PAQR3: variants seen among roughly 807,000 people sequenced by gnomAD.
PAQR3 encodes the protein Raf kinase trapping to Golgi.
In PAQR3, 39 loss-of-function variants were observed where a neutral mutation model predicts 41.7. The observed-to-expected ratio is 0.93, with a 90% CI of 0.72 to 1.22. PAQR3 has a LOEUF of 1.22. PAQR3 is among the 50% of genes most tolerant of loss of function. PAQR3 has a pLI of 0.00. For missense variants in PAQR3, 366 were observed against 385.6 expected (o/e 0.95, Z 0.42); for synonymous variants, 140 against 140.6 (o/e 1.00, Z 0.03).
At chr4:78,901,735 A>C (rs1577976543) in intron 11 of PAQR3, among the ~76,000 whole-genome samples, 1 of 152,354 alleles carries the variant, frequency 6.6e-6, no homozygotes, top group Middle Eastern at 3.4e-3. Context: ...GGACCACCCC[A>C]TTTTAATAAA....
intron 11 of PAQR3, among the ~76,000 whole-genome samples, chr4:78,892,859 C>A (rs1733515447): frequency 6.6e-6 from 1 of 152,128 alleles, no homozygotes; most frequent in Non-Finnish European, 1.5e-5. Context: ...ATCATCTGAA[C>A]CTTCAGCTGG....
At chr4:78,895,697 T>C (rs1223425370) in intron 11 of PAQR3, among the ~76,000 whole-genome samples, 1 of 152,112 alleles carries the variant, frequency 6.6e-6, no homozygotes. Flanking sequence ...TCATCAAAAT[T>C]TTATGGAGCA....
chr4:78,922,221 A>G, intron 5 of PAQR3: 3 of 1,194,074 alleles, frequency 2.5e-6, no homozygotes, highest in Middle Eastern at 2.4e-4. Context: ...ATCTGTTCCC[A>G]AATCCTCATG....
downstream of PAQR3, among the ~76,000 whole-genome samples, chr4:78,907,464 C>T (rs1010602189): frequency 5.9e-5 from 9 of 152,106 alleles, no homozygotes; most frequent in African/African-American, 2.4e-5. Flanking sequence ...ATCTGTCCTA[C>T]GTTAAATGTT....
chr4:78,896,126 T>C (rs1733686795), intron 11 of PAQR3, among the ~76,000 whole-genome samples: 1 of 152,144 alleles, frequency 6.6e-6, no homozygotes, highest in Non-Finnish European at 1.5e-5. Context: ...TTTATGAATC[T>C]ATAACCTAAC....
chr4:78,911,141 C>T, downstream of PAQR3: 2 of 1,613,990 alleles, frequency 1.2e-6, no homozygotes, highest in African/African-American at 1.3e-5. Context: ...CCCTTCTTTG[C>T]AGTGCGTGCT....
At chr4:78,892,104 T>A (rs893982952) in intron 11 of PAQR3, among the ~76,000 whole-genome samples, 1 of 152,234 alleles carries the variant, frequency 6.6e-6, no homozygotes, top group Admixed American at 6.5e-5. Flanking sequence ...TATGTTGGTC[T>A]CGTAAAATGA....
chr4:78,938,974 G>C (rs908588575), intron 1 of PAQR3, 66 bp downstream of exon 1: 42 of 1,432,478 alleles, frequency 2.9e-5, no homozygotes, highest in Non-Finnish European at 3.9e-5. Context: ...AAGCAGAAGG[G>C]GGACCAGACA....
At chr4:78,922,261 C>T (rs569861362) in intron 5 of PAQR3, 2 of 1,238,280 alleles carry the variant, frequency 1.6e-6, no homozygotes, top group African/African-American at 1.6e-5. Context: ...CTTGTATTTC[C>T]ATTCTTATTT....
chr4:78,925,142 C>T (rs1736063631), intron 4 of PAQR3, among the ~76,000 whole-genome samples: 1 of 152,088 alleles, frequency 6.6e-6, no homozygotes, highest in African/African-American at 2.4e-5. Context: ...AAACTACTAT[C>T]TAAGCCATCT....
intron 11 of PAQR3, among the ~76,000 whole-genome samples, chr4:78,905,866 GT>G (rs571081219): frequency 6.6e-6 from 1 of 151,838 alleles, no homozygotes; most frequent in Non-Finnish European, 1.5e-5. Flanking sequence ...GAGTATGAAG[GT>G]TTATGGCATT....
Position 78,919,627 on chromosome 4 carries a change from A to G in PAQR3, c.*912T>C, listed in dbSNP as rs1013382758. 2 of 985,020 alleles carry G rather than the reference A, an allele frequency of 2.0e-6. No homozygotes were observed. Among genetic ancestry groups the G allele is most frequent in the African/African-American group, 3.5e-5 (2 of 57,198 alleles). The allele number at this position is 985,020 out of a possible 1,614,324, so 61.0% of individuals were successfully genotyped here. ...GTCAAGACAGGGCCATCTAGATTCT[A>G]TGGCCTTGCAAGTAGCACCCACAAT... On this transcript the variant is annotated 3_prime_UTR_variant, in exon 6 of 6. Transcript: ENST00000512733.
intron 11 of PAQR3, among the ~76,000 whole-genome samples, chr4:78,895,602 A>G (rs908231571): frequency 5.9e-5 from 9 of 152,168 alleles, no homozygotes; most frequent in African/African-American, 2.2e-4. Flanking sequence ...GACTTGGGAA[A>G]AAATAAGAAG....
chr4:78,912,309 G>A lies in PAQR3; in HGVS notation c.*8230C>T, dbSNP rs1734682687. On this transcript the variant is annotated 3_prime_UTR_variant, in exon 6 of 6. Transcript: ENST00000512733. ...CAGAAATGCAAGTGTGGTACTTCCA[G>A]TGAAAGCACATGGCACCTTTCTAGG... 1 of 340,862 alleles carries A rather than the reference G, an allele frequency of 2.9e-6. No homozygotes were observed. The highest frequency in any genetic ancestry group is 2.1e-5 in the African/African-American group (1 of 47,522). The allele number at this position is 340,862 out of a possible 1,614,324, so 21.1% of individuals were successfully genotyped here.
At position 78,939,351 on chromosome 4, in the gene PAQR3, G is replaced by A. The variant is rs1737803402; in HGVS notation, c.-127C>T. On this transcript the variant is annotated 5_prime_UTR_variant, in exon 1 of 6. Coordinates refer to ENST00000512733, the MANE Select transcript of PAQR3 (RefSeq NM_001040202.2). The stretch of plus-strand genomic sequence containing the variant: ...ACGCTGCGCGAGGTCCTACCGCGCT[G>A]CCGCTGCTGCCCAGGGCCCGGCTCT... The A allele has an allele frequency of 5.0e-6, 4 of 798,224 alleles. No individual in the cohort carries two copies. In the East Asian group the frequency reaches 1.2e-4, roughly 23 times the overall value. The allele number at this position is 798,224 out of a possible 1,614,324, so 49.4% of individuals were successfully genotyped here.
At chr4:78,933,911 C>T (rs1241518618) in intron 2 of PAQR3, among the ~76,000 whole-genome samples, 1 of 152,048 alleles carries the variant, frequency 6.6e-6, no homozygotes, top group African/African-American at 2.4e-5. Flanking sequence ...AGATAATATG[C>T]ATATAACTAA....
chr4:78,890,115 A>G (rs1733349598), intron 11 of PAQR3, among the ~76,000 whole-genome samples: 1 of 152,140 alleles, frequency 6.6e-6, no homozygotes, highest in Non-Finnish European at 1.5e-5. Flanking sequence ...TTGTAAATTG[A>G]AACTTTATTA....
intron 11 of PAQR3, among the ~76,000 whole-genome samples, chr4:78,889,507 C>T (rs1733309809): frequency 1.3e-5 from 2 of 152,082 alleles, no homozygotes. Context: ...AATACTTTGT[C>T]ATGTATAATT....
Position 78,918,779 on chromosome 4 carries a change from G to A in PAQR3, c.*1760C>T. 1.0e-6 allele frequency: 1 copy of A among 984,074 alleles called. No homozygotes were observed. The highest frequency in any genetic ancestry group is 1.2e-6 in the Non-Finnish European group (1 of 828,930). The allele number at this position is 984,074 out of a possible 1,614,324, so 61.0% of individuals were successfully genotyped here. ...GATTTTCCCCTCATTTTTAACTTAA[G>A]TGTAACTACTCAGTGTCTTTTGTTT... On this transcript the variant is annotated 3_prime_UTR_variant, in exon 6 of 6. Transcript: ENST00000512733.
Sources: gnomAD v4.1 joint callset for allele counts (sites outside exome capture counted in the v4.1 genomes callset) on GRCh38, gnomAD v4.1.1 for gene constraint, MANE v1.5 for transcripts, NCBI Gene and HGNC (gene_info 2026-07-23, HGNC 2026-07-21) for gene names.